The following CFAP44 variants were observed in gnomAD, a reference collection of about 807,000 sequenced individuals.
The protein encoded by CFAP44 is cilia and flagella associated protein 44.
CFAP44 carries 134 observed loss-of-function variants against 216.2 expected under a neutral mutation model. The ratio of observed to expected loss-of-function variants is 0.62; its 90% CI spans 0.54 to 0.72. CFAP44 has a LOEUF of 0.72. Among genes scored for constraint, CFAP44 ranks in the 30% least tolerant of loss-of-function variants. The probability of loss-of-function intolerance (pLI) is 0.00; values close to 1 mark genes in which losing one functional copy is unlikely to be tolerated. For synonymous variants in CFAP44, 700 were observed against 727.6 expected (o/e 0.96, Z 0.61); for missense variants, 2,035 against 2,182.1 (o/e 0.93, Z 1.34).
intron 23 of CFAP44, among the ~76,000 whole-genome samples, chr3:113,343,942 T>C (rs1950358042): frequency 6.6e-6 from 1 of 152,220 alleles, no homozygotes; most frequent in South Asian, 2.1e-4. Context: ...CTCCAAGCCA[T>C]TTCCAGAATT....
chr3:113,409,193 G>A lies in CFAP44; in HGVS notation c.803C>T (p.Thr268Ile), dbSNP rs1490044316. 3 of 1,613,886 alleles carry A rather than the reference G, an allele frequency of 1.9e-6. No individual in the cohort carries two copies. Among genetic ancestry groups the A allele is most frequent in the Non-Finnish European group, 2.5e-6 (3 of 1,180,012 alleles). ...AAAAACTTCCTGAGAAAAAGCTTTT[G>A]TCCTTAGTATGGGTTGTTCTTCTTT... is the stretch of plus-strand genomic sequence containing the variant. ...NWKEEQPILR[T>I]KAFSQEVFKV... Residue 268 changes from threonine to isoleucine, a missense_variant, in exon 7 of 35, where the codon ACA becomes ATA. This residue lies in a region of CFAP44 where 1,883 missense variants were observed against 2,023.7 expected (regional missense o/e 0.93). Transcript: ENST00000393845.
intron 24 of CFAP44, among the ~76,000 whole-genome samples, chr3:113,336,986 G>A (rs1441731937): frequency 6.6e-6 from 1 of 151,290 alleles, no homozygotes; most frequent in Non-Finnish European, 1.5e-5. Context: ...AATAAGAAAA[G>A]GAAATAAGAT....
intron 24 of CFAP44, among the ~76,000 whole-genome samples, chr3:113,341,040 C>T (rs1006217695): frequency 4.3e-4 from 66 of 152,222 alleles, no homozygotes; most frequent in African/African-American, 1.5e-3. Context: ...TGCCTGTCAG[C>T]GTGCTCTTGA....
chr3:113,338,557 T>C (rs1409489674), intron 24 of CFAP44, among the ~76,000 whole-genome samples: 1 of 152,110 alleles, frequency 6.6e-6, no homozygotes, highest in Non-Finnish European at 1.5e-5. Flanking sequence ...AGATTTTTTT[T>C]TTAATCCCCA....
intron 25 of CFAP44, among the ~76,000 whole-genome samples, chr3:113,332,369 C>G (rs994613826): frequency 1.3e-5 from 2 of 152,148 alleles, no homozygotes; most frequent in Admixed American, 1.3e-4. Flanking sequence ...AGCCAGGACC[C>G]TTGTGCTGCT....
At chr3:113,385,142 C>T (rs1358516893) in intron 15 of CFAP44, among the ~76,000 whole-genome samples, 1 of 152,166 alleles carries the variant, frequency 6.6e-6, no homozygotes, top group East Asian at 1.9e-4. Context: ...GTAAGACATC[C>T]CTTAGCTCTT....
In CFAP44 at chr3:113,290,861, T is replaced by G. The variant is rs1431971112; in HGVS notation, c.*696A>C. ...AATCTTTAAAGAAAAGCCTCTTTATTGACTGTTTTATTAAGCATGCCCCTC... is the reference window on the plus strand; with the variant it reads ...AATCTTTAAAGAAAAGCCTCTTTATGGACTGTTTTATTAAGCATGCCCCTC... On this transcript the variant is annotated 3_prime_UTR_variant, in exon 35 of 35. Transcript: ENST00000393845. 1 of 152,186 alleles carries G rather than the reference T, an allele frequency of 6.6e-6. No individual in the cohort carries two copies. Among genetic ancestry groups the G allele is most frequent in the African/African-American group, 2.4e-5 (1 of 41,434 alleles). 9.4% of individuals were successfully genotyped at this position (152,186 alleles called of 1,614,324 possible).
At chr3:113,314,904 T>C (rs1252447149) in intron 28 of CFAP44, among the ~76,000 whole-genome samples, 3 of 151,916 alleles carry the variant, frequency 2.0e-5, no homozygotes, top group African/African-American at 4.8e-5. Context: ...TAATGAAATA[T>C]AAAGAGCAAC....
At chr3:113,325,147 GAAAA>G (rs1456302670) in intron 28 of CFAP44, among the ~76,000 whole-genome samples, 1 of 151,314 alleles carries the variant, frequency 6.6e-6, no homozygotes, top group East Asian at 2.0e-4. Context: ...ACTAAAAATA[GAAAA>G]ATTAGCCAGG....
At chr3:113,301,935 C>A (rs1430986728) in intron 32 of CFAP44, among the ~76,000 whole-genome samples, 1 of 152,148 alleles carries the variant, frequency 6.6e-6, no homozygotes, top group African/African-American at 2.4e-5. Flanking sequence ...TGTACCCCAG[C>A]CCACAACCAC....
intron 32 of CFAP44, among the ~76,000 whole-genome samples, chr3:113,300,484 T>C (rs1423074021): frequency 1.3e-5 from 2 of 150,302 alleles, no homozygotes; most frequent in African/African-American, 2.4e-5. Context: ...TAAATATATA[T>C]ATATATATAC....
chr3:113,393,659 G>T (rs1933906103), intron 15 of CFAP44, among the ~76,000 whole-genome samples: 1 of 152,216 alleles, frequency 6.6e-6, no homozygotes, highest in East Asian at 1.9e-4. Flanking sequence ...GGGACTAGAG[G>T]CATGCACCAC....
intron 15 of CFAP44, among the ~76,000 whole-genome samples, chr3:113,390,983 GA>G (rs1171078072): frequency 2.0e-5 from 3 of 151,710 alleles, no homozygotes; most frequent in South Asian, 2.1e-4. Context: ...CATACACATA[GA>G]AAAAAAATCC....
intron 28 of CFAP44, among the ~76,000 whole-genome samples, chr3:113,316,635 G>A (rs922216909): frequency 2.6e-5 from 4 of 152,040 alleles, no homozygotes; most frequent in African/African-American, 9.7e-5. Context: ...TTGAGAGACC[G>A]AGGTGGGTGG....
At chr3:113,411,377 TC>T (rs1401673788) in intron 6 of CFAP44, among the ~76,000 whole-genome samples, 1 of 152,184 alleles carries the variant, frequency 6.6e-6, no homozygotes, top group Non-Finnish European at 1.5e-5. Context: ...TAGCCAGTTT[TC>T]CCAGCACCAT....
At chr3:113,293,606 TTGAC>T (rs1327303574) in intron 34 of CFAP44, among the ~76,000 whole-genome samples, 1 of 152,212 alleles carries the variant, frequency 6.6e-6, no homozygotes, top group Non-Finnish European at 1.5e-5. Context: ...TCAACAAATG[TTGAC>T]TGACTACTCA....
chr3:113,312,059 C>CTGTGTG (rs1220826716), intron 28 of CFAP44, among the ~76,000 whole-genome samples: 2 of 145,742 alleles, frequency 1.4e-5, no homozygotes, highest in Non-Finnish European at 3.0e-5. Context: ...TTGTGTGTGT[C>CTGTGTG]TGTGTGTGTG....
At chr3:113,319,781 T>C (rs1950124777) in intron 28 of CFAP44, among the ~76,000 whole-genome samples, 1 of 151,524 alleles carries the variant, frequency 6.6e-6, no homozygotes, top group African/African-American at 2.4e-5. Context: ...AACCAAGAGG[T>C]TTTTTTCAAA....
chr3:113,391,583 T>C (rs1933841231), intron 15 of CFAP44, among the ~76,000 whole-genome samples: 1 of 152,154 alleles, frequency 6.6e-6, no homozygotes, highest in African/African-American at 2.4e-5. Context: ...ATAAAGTGAA[T>C]TAAATTCTCT....
Sources: gnomAD v4.1 joint callset for allele counts (sites outside exome capture counted in the v4.1 genomes callset) on GRCh38, gnomAD v4.1.1 for gene constraint, gnomAD v4.1.1 regional missense constraint, MANE v1.5 for transcripts, NCBI Gene and HGNC (gene_info 2026-07-23, HGNC 2026-07-21) for gene names.